The following SUGCT variants were observed in gnomAD, a reference collection of about 807,000 sequenced individuals.
SUGCT encodes succinyl-CoA:glutarate-CoA transferase.
SUGCT carries 41 observed loss-of-function variants against 55.0 expected under a neutral mutation model. The observed-to-expected ratio is 0.74, with a 90% CI of 0.58 to 0.97. The LOEUF (loss-of-function observed/expected upper bound fraction) is 0.97, where lower values mean the gene tolerates loss of function less well. Among genes scored for constraint, SUGCT ranks in the 50% least tolerant of loss-of-function variants. The probability of loss-of-function intolerance (pLI) is 0.00; values close to 1 mark genes in which losing one functional copy is unlikely to be tolerated. For synonymous variants in SUGCT, 187 were observed against 200.4 expected (o/e 0.93, Z 0.56); for missense variants, 568 against 547.8 (o/e 1.04, Z -0.37).
At chr7:40,648,286 T>A (rs1183910867) in intron 12 of SUGCT, among the ~76,000 whole-genome samples, 1 of 152,230 alleles carries the variant, frequency 6.6e-6, no homozygotes, top group Non-Finnish European at 1.5e-5. Flanking sequence ...TATATTTTAA[T>A]AATTTTAGTT....
intron 3 of SUGCT, among the ~76,000 whole-genome samples, chr7:40,185,684 G>A (rs1182916494): frequency 2.0e-5 from 3 of 152,012 alleles, no homozygotes; most frequent in Non-Finnish European, 2.9e-5. Flanking sequence ...CATCACCCCC[G>A]GCTAATTTTT....
chr7:40,250,828 CTTTTTTTT>C (rs67372014), intron 7 of SUGCT, among the ~76,000 whole-genome samples: 3 of 121,234 alleles, frequency 2.5e-5, no homozygotes, highest in East Asian at 2.4e-4. Flanking sequence ...TTTCACGCTT[CTTTTTTTT>C]TTTTTTTTTT....
At chr7:40,926,764 A>G in the SUGCT span, among the ~76,000 whole-genome samples, 3 of 152,206 alleles carry the variant, frequency 2.0e-5, no homozygotes, top group Non-Finnish European at 4.4e-5. Context: ...TTGATCTTGG[A>G]TTTCCCAGCC....
At chr7:40,511,767 A>G (rs1254984277) in intron 12 of SUGCT, among the ~76,000 whole-genome samples, 1 of 152,190 alleles carries the variant, frequency 6.6e-6, no homozygotes, top group Non-Finnish European at 1.5e-5. Flanking sequence ...GGGGAGCCCT[A>G]TATATGCCAT....
intron 12 of SUGCT, among the ~76,000 whole-genome samples, chr7:40,698,822 G>T (rs913667044): frequency 6.6e-6 from 1 of 152,138 alleles, no homozygotes; most frequent in Non-Finnish European, 1.5e-5. Flanking sequence ...TGCGATTTTG[G>T]TATAGGCTCA....
intron 3 of SUGCT, among the ~76,000 whole-genome samples, chr7:40,182,972 C>T (rs1030268364): frequency 1.3e-5 from 2 of 152,112 alleles, no homozygotes; most frequent in Non-Finnish European, 2.9e-5. Flanking sequence ...GAATCACAGT[C>T]CCTCAAAAAA....
At chr7:40,675,024 G>T (rs1163970004) in intron 12 of SUGCT, among the ~76,000 whole-genome samples, 1 of 150,922 alleles carries the variant, frequency 6.6e-6, no homozygotes, top group Non-Finnish European at 1.5e-5. Flanking sequence ...CCTCCTGTTA[G>T]ATAATTATAT....
At chr7:40,394,880 G>C (rs1325490404) in intron 9 of SUGCT, among the ~76,000 whole-genome samples, 1 of 152,154 alleles carries the variant, frequency 6.6e-6, no homozygotes, top group Admixed American at 6.5e-5. Context: ...TTCTTTTTAA[G>C]GCTGAATAAT....
chr7:40,977,201 C>A, the SUGCT span, among the ~76,000 whole-genome samples: 1 of 152,164 alleles, frequency 6.6e-6, no homozygotes, highest in Non-Finnish European at 1.5e-5. Context: ...TTGGCCGATC[C>A]TCTGGCGGCT....
chr7:40,459,702 T>C (rs1158914085), intron 11 of SUGCT, among the ~76,000 whole-genome samples: 1 of 152,320 alleles, frequency 6.6e-6, no homozygotes, highest in Middle Eastern at 3.4e-3. Flanking sequence ...GCCACTCCTG[T>C]GAATCTTGAT....
intron 7 of SUGCT, among the ~76,000 whole-genome samples, chr7:40,255,660 CAAAAAA>C (rs70996898): frequency 2.6e-3 from 141 of 54,200 alleles, no homozygotes; most frequent in Non-Finnish European, 3.3e-3. Context: ...GACTCTGTAT[CAAAAAA>C]AAAAAAAAAA....
chr7:40,648,381 A>C (rs575168313), intron 12 of SUGCT, among the ~76,000 whole-genome samples: 1 of 152,140 alleles, frequency 6.6e-6, no homozygotes, highest in Non-Finnish European at 1.5e-5. Context: ...GATGCATGCT[A>C]TTTGGCCTGT....
At chr7:40,291,216 T>G (rs1793727752) in intron 8 of SUGCT, among the ~76,000 whole-genome samples, 1 of 152,078 alleles carries the variant, frequency 6.6e-6, no homozygotes, top group East Asian at 1.9e-4. Context: ...GTGTGTTTAT[T>G]GCGGCACTAT....
intron 11 of SUGCT, among the ~76,000 whole-genome samples, chr7:40,473,176 A>G (rs1790488496): frequency 6.6e-6 from 1 of 152,170 alleles, no homozygotes; most frequent in African/African-American, 2.4e-5. Flanking sequence ...CGAATCCACT[A>G]ACAATTTATG....
At chr7:40,921,255 ATAT>A in the SUGCT span, among the ~76,000 whole-genome samples, 2 of 152,116 alleles carry the variant, frequency 1.3e-5, no homozygotes, top group Non-Finnish European at 2.9e-5. Flanking sequence ...ACAAAATAAT[ATAT>A]TATTTGGAAG....
At chr7:40,616,049 T>TA (rs1798987060) in intron 12 of SUGCT, among the ~76,000 whole-genome samples, 1 of 152,226 alleles carries the variant, frequency 6.6e-6, no homozygotes, top group Non-Finnish European at 1.5e-5. Context: ...GATCACTACC[T>TA]AATGTGAAAA....
chr7:40,949,072 C>T, the SUGCT span, among the ~76,000 whole-genome samples: 9 of 152,218 alleles, frequency 5.9e-5, no homozygotes, highest in African/African-American at 2.2e-4. Flanking sequence ...GTCCCACCAA[C>T]AGTGTAAAAG....
At position 40,569,537 on chromosome 7, in the gene SUGCT, C is replaced by T. The variant is rs187800591; in HGVS notation, c.1089+73151C>T. ...AAATCTTGGTAGCTCTTAAGGGTGT[C>T]AGAGCTCGATGTTTCCCATTCCAGG... is the stretch of plus-strand genomic sequence containing the variant. On this transcript the variant is annotated intron_variant, in intron 12 of 13. Transcript: ENST00000335693. Among the ~76,000 whole-genome samples the T allele has an allele frequency of 2.1e-3, 317 of 152,258 alleles. 1 individual carries two copies. The highest frequency in any genetic ancestry group is 6.4e-3 in the South Asian group (31 of 4,820).
intron 9 of SUGCT, among the ~76,000 whole-genome samples, chr7:40,433,099 A>C (rs568578666): frequency 1.4e-4 from 21 of 152,068 alleles, no homozygotes; most frequent in Non-Finnish European, 2.6e-4. Context: ...GAATCTCTGT[A>C]GTCAATTTTC....
Sources: gnomAD v4.1 joint callset for allele counts (sites outside exome capture counted in the v4.1 genomes callset) on GRCh38, gnomAD v4.1.1 for gene constraint, MANE v1.5 for transcripts, NCBI Gene and HGNC (gene_info 2026-07-23, HGNC 2026-07-21) for gene names.